The following EYA2 variants were observed in gnomAD, a reference collection of about 807,000 sequenced individuals.
The protein encoded by EYA2 is EYA transcriptional coactivator and phosphatase 2.
Under a neutral mutation model 69.2 loss-of-function variants are expected in EYA2, and 31 were observed. The ratio of observed to expected loss-of-function variants is 0.45; its 90% confidence interval spans 0.34 to 0.60. The LOEUF (loss-of-function observed/expected upper bound fraction) is 0.60. EYA2 is among the 20% of genes least tolerant of loss of function. The probability of loss-of-function intolerance (pLI) is 0.02; values close to 1 mark genes in which losing one functional copy is unlikely to be tolerated. For synonymous variants in EYA2, 257 were observed against 279.4 expected (o/e 0.92, Z 0.80); for missense variants, 622 against 701.2 (o/e 0.89, Z 1.28).
intron 4 of EYA2, 143 bp from the exon 5 acceptor site, chr20:47,016,038 T>G: frequency 1.4e-6 from 1 of 690,010 alleles, no homozygotes; most frequent in Non-Finnish European, 2.6e-6. Flanking sequence ...TCACTTTGGC[T>G]GACAAGCCAC....
chr20:47,043,055 C>T lies in EYA2; in HGVS notation c.415+26758C>T, dbSNP rs185965731. 6.6e-5 allele frequency among the ~76,000 whole-genome samples: 10 copies of T among 152,158 alleles called. No individual in the cohort carries two copies. The East Asian group carries it at 1.7e-3, about 26-fold the overall frequency. On this transcript the variant is annotated intron_variant, in intron 5 of 15. Transcript: ENST00000327619. ...CTGTAAATACTTAAAGAAGGAAAGG[C>T]GAGAGGGAGGAAGGGGAGGATTAAT...
rs1982004716 is a variant in EYA2 at position 46,996,143 on chromosome 20, TGGTGTG to T, written c.110-5284_110-5279del. Reference sequence around the variant, plus strand: ...GTTGACTGCGTGAATGAATGAAACATGGTGTGTATCCTCGGGTAAGTTGCTTCACAC... The same window carrying T: ...GTTGACTGCGTGAATGAATGAAACATTATCCTCGGGTAAGTTGCTTCACAC... On this transcript the variant is annotated intron_variant, in intron 2 of 15. Transcript: ENST00000327619. Among the ~76,000 whole-genome samples, 4 of 152,242 alleles carry T rather than the reference TGGTGTG, an allele frequency of 2.6e-5. No homozygotes were observed. In the South Asian group the frequency reaches 8.3e-4, roughly 32 times the overall value.
At chr20:47,072,874 C>T (rs1600687753) in intron 6 of EYA2, among the ~76,000 whole-genome samples, 1 of 152,164 alleles carries the variant, frequency 6.6e-6, no homozygotes, top group African/African-American at 2.4e-5. Flanking sequence ...AAAACAGAAC[C>T]ACCCTGGGGT....
chr20:47,188,647 A>T lies in EYA2; in HGVS notation c.*514A>T, dbSNP rs1036015611. The T allele has an allele frequency of 3.0e-6, 1 of 330,554 alleles. No homozygotes were observed. Among genetic ancestry groups the T allele is most frequent in the Non-Finnish European group, 5.5e-6 (1 of 181,204 alleles). The allele number at this position is 330,554 out of a possible 1,614,324, so 20.5% of individuals were successfully genotyped here. ...CTTTGTGGGGACAATCATTCTTTGAACATTAGAGAGGAAGGCAGTTCAAGC... is the reference window on the plus strand; with the variant it reads ...CTTTGTGGGGACAATCATTCTTTGATCATTAGAGAGGAAGGCAGTTCAAGC... On this transcript the variant is annotated 3_prime_UTR_variant, in exon 16 of 16. Transcript: ENST00000327619.
chr20:46,942,562 T>C (rs1324368063), intron 1 of EYA2, among the ~76,000 whole-genome samples: 1 of 152,214 alleles, frequency 6.6e-6, no homozygotes, highest in African/African-American at 2.4e-5. Context: ...AAGAGAGTTA[T>C]GCAGATGTGA....
At chr20:47,166,814 T>C (rs1883885) in intron 10 of EYA2, among the ~76,000 whole-genome samples, 58,448 of 151,806 alleles carry the variant, frequency 0.39, 11,394 homozygotes, top group African/African-American at 0.41. Context: ...CTGGGGTTCA[T>C]GAGGGTCATG....
At chr20:46,908,247 C>T (rs6012071) in intron 1 of EYA2, among the ~76,000 whole-genome samples, 89,493 of 152,112 alleles carry the variant, frequency 0.59, 26,589 homozygotes, top group African/African-American at 0.64. Flanking sequence ...AAAATAAACA[C>T]ATATGTATAT....
intron 5 of EYA2, among the ~76,000 whole-genome samples, chr20:47,043,083 T>G (rs1344442877): frequency 6.6e-6 from 1 of 152,192 alleles, no homozygotes; most frequent in East Asian, 1.9e-4. Context: ...GGATTAATCC[T>G]TCAGACCCCT....
At chr20:47,183,252 TCA>T in intron 14 of EYA2, 37 bp from the exon 15 acceptor site, 3 of 1,604,074 alleles carry the variant, frequency 1.9e-6, no homozygotes, top group Non-Finnish European at 2.6e-6. Flanking sequence ...TCCGGGGTCC[TCA>T]CAGAGCGTTT....
chr20:47,154,172 C>T (rs2033875995), intron 10 of EYA2, among the ~76,000 whole-genome samples: 1 of 151,950 alleles, frequency 6.6e-6, no homozygotes, highest in Non-Finnish European at 1.5e-5. Flanking sequence ...TTGCAGATGG[C>T]TGCATTTTTG....
chr20:47,116,416 G>A (rs1463303233), intron 9 of EYA2, among the ~76,000 whole-genome samples: 1 of 152,028 alleles, frequency 6.6e-6, no homozygotes, highest in African/African-American at 2.4e-5. Context: ...GACCTCAGGT[G>A]ATCCACCCAC....
intron 1 of EYA2, among the ~76,000 whole-genome samples, chr20:46,938,425 C>CT (rs1253261706): frequency 1.3e-5 from 2 of 152,192 alleles, no homozygotes; most frequent in African/African-American, 2.4e-5. Context: ...TATATCATAT[C>CT]TGTAGGTCAG....
At chr20:47,133,589 G>C (rs2033393028) in intron 9 of EYA2, among the ~76,000 whole-genome samples, 1 of 152,066 alleles carries the variant, frequency 6.6e-6, no homozygotes, top group African/African-American at 2.4e-5. Flanking sequence ...AACTCACAAG[G>C]CTCAGAGAAG....
At chr20:47,150,971 T>C (rs2033811010) in intron 10 of EYA2, among the ~76,000 whole-genome samples, 1 of 151,928 alleles carries the variant, frequency 6.6e-6, no homozygotes, top group Non-Finnish European at 1.5e-5. Context: ...GGGAAGTGAA[T>C]TGGGTATTGA....
chr20:47,151,093 G>A (rs2033813390), intron 10 of EYA2, among the ~76,000 whole-genome samples: 1 of 151,958 alleles, frequency 6.6e-6, no homozygotes, highest in African/African-American at 2.4e-5. Context: ...TCAGTAGGCT[G>A]GGCACAGTTG....
At position 47,001,316 on chromosome 20, in the gene EYA2, G is replaced by T. The variant is rs1015918383; in HGVS notation, c.110-112G>T. Reference sequence around the variant, plus strand: ...AAGCATCTGTGGTGGAGAAAGCCGCGGGCAGCACCCCTCCAAGTCTGCTCC... The same window carrying T: ...AAGCATCTGTGGTGGAGAAAGCCGCTGGCAGCACCCCTCCAAGTCTGCTCC... On this transcript the variant is annotated intron_variant, in intron 2 of 15. Transcript: ENST00000327619. 7.9e-6 allele frequency: 7 copies of T among 884,772 alleles called. No individual in the cohort carries two copies. The East Asian group carries it at 1.4e-4, about 18-fold the overall frequency. 54.8% of individuals were successfully genotyped at this position (884,772 alleles called of 1,614,324 possible).
chr20:46,963,752 G>A (rs745623999), intron 1 of EYA2, among the ~76,000 whole-genome samples: 38 of 152,272 alleles, frequency 2.5e-4, no homozygotes, highest in Non-Finnish European at 4.3e-4. Context: ...GTGAGGACAG[G>A]CAGCTGGCCT....
chr20:47,006,204 C>T (rs1475179049), intron 4 of EYA2, among the ~76,000 whole-genome samples: 1 of 152,230 alleles, frequency 6.6e-6, no homozygotes, highest in Non-Finnish European at 1.5e-5. Context: ...TACTGGACTC[C>T]CACATCCATC....
chr20:47,039,690 G>T (rs981452833), intron 5 of EYA2, among the ~76,000 whole-genome samples: 1 of 152,110 alleles, frequency 6.6e-6, no homozygotes, highest in African/African-American at 2.4e-5. Context: ...GGGGCATCTT[G>T]TAGTGATAAA....
Sources: gnomAD v4.1 joint callset for allele counts (sites outside exome capture counted in the v4.1 genomes callset) on GRCh38, gnomAD v4.1.1 for gene constraint, MANE v1.5 for transcripts, NCBI Gene and HGNC (gene_info 2026-07-23, HGNC 2026-07-21) for gene names.